The following RGS12 variants were observed in gnomAD, a reference collection of about 807,000 sequenced individuals.
RGS12 encodes regulator of G protein signaling 12, also known as regulator of G-protein signaling 12.
RGS12 carries 66 observed loss-of-function variants against 120.1 expected under a neutral mutation model. That is an observed-to-expected ratio of 0.55 (90% confidence interval 0.45 to 0.67). The LOEUF (loss-of-function observed/expected upper bound fraction) is 0.67. Among genes scored for constraint, RGS12 ranks in the 30% least tolerant of loss-of-function variants. The probability of loss-of-function intolerance (pLI) is 0.00; values close to 1 mark genes in which losing one functional copy is unlikely to be tolerated. For synonymous variants in RGS12, 827 were observed against 804.7 expected, an observed-to-expected ratio of 1.03 and a Z score of -0.47; for missense variants, 1,859 against 1,957.7, an observed-to-expected ratio of 0.95 and a Z score of 0.95.
chr4:3,316,486 TC>T lies in RGS12; in HGVS notation c.318del (p.Ser107ValfsTer14). Reference sequence around the variant, plus strand: ...AGGCGTCGGCCGCTTCGAATCCTGTTCCAGTGATGAAGAAGGGGGACTCTAT... The same window carrying T: ...AGGCGTCGGCCGCTTCGAATCCTGTTCAGTGATGAAGAAGGGGGACTCTAT... ...AEGVGRFESCSSDEEGGLYEG... is the reference protein window; with the variant it reads ...AEGVGRFESCXSDEEGGLYEG... On this transcript the variant is annotated frameshift_variant, in exon 2 of 18. Transcript: ENST00000336727. LOFTEE classifies it high-confidence loss of function. 1 of 1,614,158 alleles carries T rather than the reference TC, an allele frequency of 6.2e-7. No homozygotes were observed. The highest frequency in any genetic ancestry group is 1.3e-5 in the African/African-American group (1 of 75,058).
rs1429347614 is a variant in RGS12, at chr4:3,414,820, T to C, written c.2259T>C (p.His753=). Reference sequence around the variant, plus strand: ...GGCAGGCCTGTGAATATTTTAATCATGTTCCTGCACATGACAAAAAGGAGG... The same window carrying C: ...GGCAGGCCTGTGAATATTTTAATCACGTTCCTGCACATGACAAAAAGGAGG... ...LFWQACEYFN[H]VPAHDKKELS... Residue 753 remains histidine (H), a synonymous_variant, in exon 6 of 18, where the codon CAT becomes CAC. Transcript: ENST00000336727. 5 of 1,613,562 alleles carry C rather than the reference T, an allele frequency of 3.1e-6. No individual in the cohort carries two copies. The highest frequency in any genetic ancestry group is 2.2e-5 in the South Asian group (2 of 91,076).
rs866965604 is a variant in RGS12, at chr4:3,379,404, T to A, written c.1999-7012T>A. 3.9e-5 allele frequency among the ~76,000 whole-genome samples: 6 copies of A among 152,304 alleles called. 1 individual carries two copies. The highest frequency in any genetic ancestry group is 3.4e-3 in the Middle Eastern group (1 of 294). On this transcript the variant is annotated intron_variant, in intron 3 of 17. Transcript: ENST00000336727. ...ACCACACACAAAAAAGGCAACTAAG[T>A]GAGGTGGTGGAGGTACATGTTAATT...
intron 2 of RGS12, among the ~76,000 whole-genome samples, chr4:3,333,795 T>C (rs1192309162): frequency 2.6e-5 from 4 of 152,394 alleles, no homozygotes; most frequent in African/African-American, 9.6e-5. Context: ...CGCTGTTTTA[T>C]GTAGATTCTA....
At chr4:3,423,075 A>G (rs374207716) in intron 12 of RGS12, 97 bp downstream of exon 12, 1 of 692,550 alleles carries the variant, frequency 1.4e-6, no homozygotes, top group Non-Finnish European at 2.4e-6. Flanking sequence ...CGGCCTGTGG[A>G]TGCTCCATGC....
rs1713490149 is a variant in RGS12 at position 3,343,670 on chromosome 4, G to T, written c.1998+617G>T. ...CCCGTGCTGTCCTCTCTGTGGGTTT[G>T]GACAAATGTCCGTGCCGTGCACCCA... is the stretch of plus-strand genomic sequence containing the variant. On this transcript the variant is annotated intron_variant, in intron 3 of 17. Transcript: ENST00000336727. 4.6e-5 allele frequency among the ~76,000 whole-genome samples: 7 copies of T among 151,980 alleles called. No homozygotes were observed. In the South Asian group the frequency reaches 1.5e-3, roughly 32 times the overall value.
intron 3 of RGS12, among the ~76,000 whole-genome samples, chr4:3,346,764 C>G (rs981926601): frequency 6.6e-6 from 1 of 152,232 alleles, no homozygotes; most frequent in African/African-American, 2.4e-5. Flanking sequence ...CCGATTTTAA[C>G]AACCTCCTGA....
At chr4:3,332,434 A>C (rs1711962291) in intron 2 of RGS12, among the ~76,000 whole-genome samples, 1 of 152,178 alleles carries the variant, frequency 6.6e-6, no homozygotes, top group African/African-American at 2.4e-5. Context: ...CCATTGTGTG[A>C]ATCTACTGCT....
At chr4:3,435,708 G>A (rs778020213) in intron 17 of RGS12, among the ~76,000 whole-genome samples, 44 of 151,988 alleles carry the variant, frequency 2.9e-4, no homozygotes, top group Admixed American at 3.9e-4. Context: ...TGGTCCTCCC[G>A]GATCCCACCA....
At chr4:3,422,710 C>A in intron 11 of RGS12, 140 bp downstream of exon 11, 1 of 1,092,752 alleles carries the variant, frequency 9.2e-7, no homozygotes, top group Non-Finnish European at 1.3e-6. Context: ...GCCGGATTAT[C>A]TGAACTGAGC....
At chr4:3,432,102 G>A (rs1321966133) in intron 17 of RGS12, 2 of 985,366 alleles carry the variant, frequency 2.0e-6, no homozygotes, top group Admixed American at 6.1e-5. Flanking sequence ...CCGTCTTGGT[G>A]GACACCTGTG....
At position 3,317,467 on chromosome 4, in the gene RGS12, GAGA is replaced by G. The variant is rs1239062291; in HGVS notation, c.1301_1303del (p.Lys434del). 1 of 1,614,028 alleles carries G rather than the reference GAGA, an allele frequency of 6.2e-7. No homozygotes were observed. The highest frequency in any genetic ancestry group is 1.1e-5 in the South Asian group (1 of 91,082). On this transcript the variant is annotated inframe_deletion, in exon 2 of 18. Transcript: ENST00000336727. ...CGGCATTGGGAACTTCCACCAGGAG[GAGA>G]AGAGCAACCGGGTCCTTGTGGTGGA...
At chr4:3,429,397 G>T (rs989080450) in intron 16 of RGS12, among the ~76,000 whole-genome samples, 5 of 152,226 alleles carry the variant, frequency 3.3e-5, no homozygotes, top group African/African-American at 1.2e-4. Context: ...GCGTGTCACG[G>T]CTTTGTCACA....
intron 13 of RGS12, 120 bp from the exon 14 acceptor site, chr4:3,425,344 G>T (rs557110366): frequency 8.0e-6 from 7 of 874,524 alleles, no homozygotes; most frequent in Non-Finnish European, 1.3e-5. Flanking sequence ...CTCACCTCGG[G>T]GCCATCTCCT....
In RGS12 at chr4:3,368,068, G is replaced by A. The variant is rs991371473; in HGVS notation, c.1999-18348G>A. Reference sequence around the variant, plus strand: ...ATAACCCCTCAGCAGAAGGCCCCACGCATGCCCAGGCTGCCTTCGGTTCTC... The same window carrying A: ...ATAACCCCTCAGCAGAAGGCCCCACACATGCCCAGGCTGCCTTCGGTTCTC... On this transcript the variant is annotated intron_variant, in intron 3 of 17. Coordinates refer to ENST00000336727, the MANE Select transcript of RGS12 (RefSeq NM_001394154.1). Among the ~76,000 whole-genome samples, 33 of 152,308 alleles carry A rather than the reference G, an allele frequency of 2.2e-4. 1 individual carries two copies. The highest frequency in any genetic ancestry group is 6.3e-4 in the African/African-American group (26 of 41,570).
chr4:3,405,734 G>A (rs761152670), intron 4 of RGS12, among the ~76,000 whole-genome samples: 1 of 152,216 alleles, frequency 6.6e-6, no homozygotes, highest in Non-Finnish European at 1.5e-5. Flanking sequence ...AAAAGGTTGC[G>A]TGTGTGCAGG....
intron 10 of RGS12, 56 bp from the exon 11 acceptor site, chr4:3,422,320 C>T (rs1723101938): frequency 2.6e-6 from 4 of 1,526,034 alleles, no homozygotes; most frequent in Non-Finnish European, 3.5e-6. Flanking sequence ...CTGGGAGGTG[C>T]CCCGCACCCC....
intron 1 of RGS12, chr4:3,314,166 T>C (rs1236790267): frequency 1.3e-5 from 2 of 152,024 alleles, no homozygotes; most frequent in East Asian, 3.8e-4. Flanking sequence ...CATTTTTTAC[T>C]CTTTTCCATC....
At chr4:3,300,463 C>G (rs1453139345) in intron 1 of RGS12, among the ~76,000 whole-genome samples, 1 of 152,204 alleles carries the variant, frequency 6.6e-6, no homozygotes. Flanking sequence ...GACGTTGGCC[C>G]TGGGAGGAGG....
chr4:3,432,239 T>C, intron 17 of RGS12: 1 of 872,500 alleles, frequency 1.1e-6, no homozygotes, highest in Non-Finnish European at 1.4e-6. Flanking sequence ...ATAATAAAAG[T>C]ATTTTAATCT....
Sources: allele counts gnomAD v4.1 joint callset (sites outside exome capture counted in the v4.1 genomes callset), GRCh38; gene constraint gnomAD v4.1.1; transcripts MANE v1.5; gene names NCBI Gene and HGNC (gene_info 2026-07-23, HGNC 2026-07-21).